The following FGF14 variants were observed in gnomAD, a reference collection of about 807,000 sequenced individuals.
The protein encoded by FGF14 is fibroblast growth factor homologous factor 4.
FGF14 carries 5 observed loss-of-function variants against 25.5 expected under a neutral mutation model. The ratio of observed to expected loss-of-function variants is 0.20; its 90% confidence interval spans 0.10 to 0.41. The LOEUF (loss-of-function observed/expected upper bound fraction) is 0.41, where lower values mean the gene tolerates loss of function less well. FGF14 is among the 10% of genes least tolerant of loss of function. The pLI, the probability that FGF14 is intolerant of heterozygous loss-of-function variation, is 1.00. For missense variants in FGF14, 222 were observed against 320.1 expected, an observed-to-expected ratio of 0.69 and a Z score of 2.34; for synonymous variants, 138 against 118.3, an observed-to-expected ratio of 1.17 and a Z score of -1.08.
intron 3 of FGF14, among the ~76,000 whole-genome samples, chr13:101,798,312 G>C (rs7992270): frequency 0.91 from 138,681 of 152,130 alleles, 64,536 homozygotes; most frequent in East Asian, 1. Context: ...AACCAACAAG[G>C]AAGGAGGTAA....
At chr13:101,973,588 G>A (rs999360135) in intron 1 of FGF14, among the ~76,000 whole-genome samples, 1 of 152,226 alleles carries the variant, frequency 6.6e-6, no homozygotes, top group Non-Finnish European at 1.5e-5. Context: ...CAAAACTGAA[G>A]AAATTAGAGT....
At chr13:102,298,435 T>C (rs969256369) in intron 1 of FGF14, among the ~76,000 whole-genome samples, 3 of 152,186 alleles carry the variant, frequency 2.0e-5, no homozygotes, top group Non-Finnish European at 1.5e-5. Flanking sequence ...TTTTACTCTC[T>C]ATTTTTGTGA....
At chr13:102,048,122 G>C (rs917050571) in intron 1 of FGF14, among the ~76,000 whole-genome samples, 5 of 152,022 alleles carry the variant, frequency 3.3e-5, no homozygotes, top group Non-Finnish European at 7.4e-5. Flanking sequence ...CTTGCTCCAA[G>C]TTTCTATGAC....
chr13:102,273,797 G>A lies in FGF14; in HGVS notation c.208+127674C>T, dbSNP rs530202447. Reference sequence around the variant, plus strand: ...CAGCTAATAATACAAAAATTAGCAGGGCATGGTGGTGAGTGCCTGTAGTCT... The same window carrying A: ...CAGCTAATAATACAAAAATTAGCAGAGCATGGTGGTGAGTGCCTGTAGTCT... On this transcript the variant is annotated intron_variant, in intron 1 of 4. Coordinates refer to the FGF14 transcript ENST00000376131. 7.2e-5 allele frequency among the ~76,000 whole-genome samples: 11 copies of A among 152,078 alleles called. 1 individual carries two copies. The highest frequency in any genetic ancestry group is 7.2e-4 in the Admixed American group (11 of 15,258).
At chr13:102,323,398 T>C (rs1379604226) in intron 1 of FGF14, among the ~76,000 whole-genome samples, 5 of 152,206 alleles carry the variant, frequency 3.3e-5, no homozygotes, top group African/African-American at 1.2e-4. Flanking sequence ...TTGTTATTGA[T>C]GAAGTAAGCT....
At position 102,003,885 on chromosome 13, in the gene FGF14, C is replaced by T. The variant is rs144276577; in HGVS notation, c.209-128589G>A. Among the ~76,000 whole-genome samples the T allele has an allele frequency of 4.6e-4, 70 of 152,170 alleles. No homozygotes were observed. The Middle Eastern group carries it at 0.014, about 30-fold the overall frequency. On this transcript the variant is annotated intron_variant, in intron 1 of 4. Transcript: ENST00000376131. ...TAGATATTGAACTTTATAAGGAAAT[C>T]GAAGACACCACTCAGTTAGTGATCA...
At chr13:102,023,853 T>G (rs898968326) in intron 1 of FGF14, among the ~76,000 whole-genome samples, 1 of 151,914 alleles carries the variant, frequency 6.6e-6, no homozygotes, top group Non-Finnish European at 1.5e-5. Context: ...GAGAATAAAA[T>G]AACAAGGTGT....
chr13:101,953,149 T>A (rs922173573), intron 1 of FGF14, among the ~76,000 whole-genome samples: 1 of 152,216 alleles, frequency 6.6e-6, no homozygotes, highest in Admixed American at 6.5e-5. Flanking sequence ...GCGTCAACAG[T>A]TGTTCTATGT....
chr13:102,155,327 T>G (rs549818702), intron 1 of FGF14, among the ~76,000 whole-genome samples: 1 of 152,230 alleles, frequency 6.6e-6, no homozygotes, highest in Non-Finnish European at 1.5e-5. Flanking sequence ...CAGACCACAG[T>G]GCAATCAAAC....
intron 3 of FGF14, among the ~76,000 whole-genome samples, chr13:101,866,786 CT>C (rs1468147271): frequency 6.6e-6 from 1 of 152,082 alleles, no homozygotes; most frequent in Non-Finnish European, 1.5e-5. Context: ...TTCATAATCG[CT>C]TTTGGTTTTT....
intron 1 of FGF14, among the ~76,000 whole-genome samples, chr13:101,953,022 G>A (rs1295275714): frequency 5.6e-5 from 8 of 143,364 alleles, no homozygotes; most frequent in African/African-American, 2.2e-4. Context: ...TGACAAGAGT[G>A]AGACTCCATC....
chr13:101,761,824 G>T (rs1350499902), intron 3 of FGF14, among the ~76,000 whole-genome samples: 2 of 152,154 alleles, frequency 1.3e-5, no homozygotes, highest in Non-Finnish European at 2.9e-5. Context: ...TGGCAGTTGG[G>T]TAGGCATTTC....
At chr13:101,944,498 G>T (rs968294295) in intron 1 of FGF14, among the ~76,000 whole-genome samples, 3 of 151,970 alleles carry the variant, frequency 2.0e-5, no homozygotes, top group Non-Finnish European at 2.9e-5. Context: ...TGACTTGAGG[G>T]TCATAGTTTG....
intron 1 of FGF14, among the ~76,000 whole-genome samples, chr13:101,984,167 T>C (rs549102759): frequency 6.6e-6 from 1 of 152,224 alleles, no homozygotes; most frequent in Admixed American, 6.5e-5. Flanking sequence ...CGCTCGAAAA[T>C]GTGACTATAT....
At chr13:102,249,697 A>C (rs2052070919) in intron 1 of FGF14, among the ~76,000 whole-genome samples, 1 of 152,176 alleles carries the variant, frequency 6.6e-6, no homozygotes, top group African/African-American at 2.4e-5. Flanking sequence ...CGAGTCACCA[A>C]TCTGGTGGTC....
At chr13:101,855,459 T>C (rs575914640) in intron 3 of FGF14, among the ~76,000 whole-genome samples, 1 of 152,122 alleles carries the variant, frequency 6.6e-6, no homozygotes, top group African/African-American at 2.4e-5. Flanking sequence ...TAAATTAGTA[T>C]ACACTAATTA....
chr13:101,815,705 T>C (rs2041807747), intron 3 of FGF14, among the ~76,000 whole-genome samples: 1 of 152,038 alleles, frequency 6.6e-6, no homozygotes, highest in Admixed American at 6.5e-5. Context: ...TGGAAGAGGA[T>C]GGTGTAGCCC....
At chr13:102,013,340 TG>T (rs1419724406) in intron 1 of FGF14, among the ~76,000 whole-genome samples, 1 of 152,202 alleles carries the variant, frequency 6.6e-6, no homozygotes, top group Admixed American at 6.5e-5. Flanking sequence ...TAAGCCTTTC[TG>T]AGAAAACCAT....
In FGF14 at chr13:101,916,547, G is replaced by A. The variant is rs1299650579; in HGVS notation, c.99C>T (p.Pro33=). The stretch of plus-strand genomic sequence containing the variant: ...CGTTGCAGAGCCCGCGGTTCTTGCT[G>A]GGGCTGCTCCGCCTCCTGCTGGCAG... ...RPSASRRRSS[P]SKNRGLCNGN... is the part of the protein sequence containing the mutation. Residue 33 remains proline (P), a synonymous_variant, in exon 1 of 5, where the codon CCC becomes CCT. Transcript: ENST00000376143. The A allele has an allele frequency of 2.5e-6, 4 of 1,613,474 alleles. No individual in the cohort carries two copies. The highest frequency in any genetic ancestry group is 1.6e-4 in the Middle Eastern group (1 of 6,062).
Sources: allele counts gnomAD v4.1 joint callset (sites outside exome capture counted in the v4.1 genomes callset), GRCh38; gene constraint gnomAD v4.1.1; transcripts MANE v1.5; gene names NCBI Gene and HGNC (gene_info 2026-07-23, HGNC 2026-07-21).